Variants in SGCD observed in about 807,000 individuals in gnomAD.
SGCD encodes the protein delta-sarcoglycan.
SGCD carries 18 observed loss-of-function variants against 36.6 expected under a neutral mutation model. That is an observed-to-expected ratio of 0.49 (90% CI 0.34 to 0.73). The LOEUF is 0.73. Ranked by LOEUF, SGCD falls within the 30% of genes least tolerant of loss-of-function variation. The pLI is 0.01. For synonymous variants in SGCD, 133 were observed against 130.6 expected (o/e 1.02, Z -0.12); for missense variants, 387 against 346.7 (o/e 1.12, Z -0.92).
chr5:156,647,507 T>C lies in SGCD; in HGVS notation c.546T>C (p.Asn182=), dbSNP rs1357273041. 7 of 1,585,754 alleles carry C rather than the reference T, an allele frequency of 4.4e-6. No individual in the cohort carries two copies. Among genetic ancestry groups the C allele is most frequent in the South Asian group, 1.1e-5 (1 of 87,010 alleles). ...TVFPKSIETP[N]VRADPFKELR... Reference sequence around the variant, plus strand: ...TCCCTAAATCTATAGAAACACCTAATGTCAGGGCAGACCCCTTCAAAGAAC... The same window carrying C: ...TCCCTAAATCTATAGAAACACCTAACGTCAGGGCAGACCCCTTCAAAGAAC... The change falls in exon 7 of 9, where the codon AAT becomes AAC. Residue 182 remains asparagine (N), a synonymous_variant. Transcript: ENST00000337851.
chr5:156,255,824 T>C (rs1765701301), intron 3 of SGCD, among the ~76,000 whole-genome samples: 4 of 152,122 alleles, frequency 2.6e-5, no homozygotes, highest in Non-Finnish European at 4.4e-5. Flanking sequence ...TTGAACTTTA[T>C]GTAGTATTTT....
chr5:156,011,744 T>A (rs1160109540), intron 1 of SGCD, among the ~76,000 whole-genome samples: 1 of 152,188 alleles, frequency 6.6e-6, no homozygotes, highest in African/African-American at 2.4e-5. Context: ...GGCCCAGAAT[T>A]CTATTTTTAA....
Position 155,912,262 on chromosome 5 carries a change from G to A in SGCD, c.-282+41838G>A, listed in dbSNP as rs1368235281. Among the ~76,000 whole-genome samples the A allele has an allele frequency of 2.6e-5, 4 of 152,064 alleles. No homozygotes were observed. The East Asian group carries it at 7.8e-4, about 29-fold the overall frequency. On this transcript the variant is annotated intron_variant, in intron 1 of 9. Transcript: ENST00000517913. ...AGTGAGTTGTAGAGGAATAAAAAGA[G>A]ACTCAGGAAACCTGAGAAATGGTAG...
At chr5:155,881,154 A>G (rs1755873858) in intron 1 of SGCD, among the ~76,000 whole-genome samples, 1 of 152,102 alleles carries the variant, frequency 6.6e-6, no homozygotes, top group South Asian at 2.1e-4. Context: ...TCAATCTATC[A>G]CAATTTCCAT....
chr5:156,516,874 G>A (rs1757199689), intron 4 of SGCD, among the ~76,000 whole-genome samples: 2 of 152,176 alleles, frequency 1.3e-5, no homozygotes, highest in Non-Finnish European at 2.9e-5. Flanking sequence ...GCACATGTCA[G>A]TAGTCCCAGC....
chr5:156,699,915 A>C (rs1306755194), intron 7 of SGCD, among the ~76,000 whole-genome samples: 2 of 152,222 alleles, frequency 1.3e-5, no homozygotes, highest in East Asian at 3.8e-4. Context: ...ACTCCCTACA[A>C]AAGTGGCATT....
At chr5:155,863,620 A>G in the SGCD span, among the ~76,000 whole-genome samples, 1 of 94,514 alleles carries the variant, frequency 1.1e-5, no homozygotes, top group Non-Finnish European at 3.0e-5. Flanking sequence ...AATTCATACC[A>G]TCATCCAGGA....
intron 3 of SGCD, among the ~76,000 whole-genome samples, chr5:156,255,684 A>AT (rs1320504905): frequency 1.3e-5 from 2 of 151,930 alleles, no homozygotes; most frequent in Admixed American, 6.6e-5. Context: ...TGAAAGTTCT[A>AT]TTTTTTGTGT....
intron 3 of SGCD, among the ~76,000 whole-genome samples, chr5:156,303,953 C>T (rs932807575): frequency 1.3e-5 from 2 of 151,800 alleles, no homozygotes; most frequent in Non-Finnish European, 2.9e-5. Flanking sequence ...ACAAGCACTC[C>T]CTTGGCTGCC....
At chr5:156,335,613 A>G (rs1293628079) in intron 2 of SGCD, among the ~76,000 whole-genome samples, 4 of 152,056 alleles carry the variant, frequency 2.6e-5, no homozygotes, top group African/African-American at 9.7e-5. Context: ...CTTCAACATT[A>G]ACACGCCTGT....
chr5:156,500,949 G>A (rs1020344501), intron 3 of SGCD, among the ~76,000 whole-genome samples: 1 of 152,114 alleles, frequency 6.6e-6, no homozygotes, highest in Non-Finnish European at 1.5e-5. Context: ...TGCACCAGTG[G>A]GAAGGCCTCT....
intron 1 of SGCD, among the ~76,000 whole-genome samples, chr5:155,946,323 C>T (rs1243767013): frequency 6.6e-6 from 1 of 152,060 alleles, no homozygotes; most frequent in Non-Finnish European, 1.5e-5. Flanking sequence ...TATTGAGGTA[C>T]ATAGAAATGA....
At chr5:156,366,833 A>G (rs1266920474) in intron 3 of SGCD, among the ~76,000 whole-genome samples, 1 of 152,248 alleles carries the variant, frequency 6.6e-6, no homozygotes, top group Non-Finnish European at 1.5e-5. Context: ...AAACAAAGTC[A>G]TGCCTATCAA....
the SGCD span, among the ~76,000 whole-genome samples, chr5:155,734,383 AT>A: frequency 6.6e-6 from 1 of 150,896 alleles, no homozygotes. Context: ...TAATTTTTGC[AT>A]TTTTTTTGTA....
intron 1 of SGCD, among the ~76,000 whole-genome samples, chr5:156,070,777 G>A (rs1760525154): frequency 6.6e-6 from 1 of 152,072 alleles, no homozygotes; most frequent in Admixed American, 6.6e-5. Context: ...CTTTTTGGTT[G>A]GTAAGCTATT....
rs150994744 is a variant in SGCD at position 156,342,930 on chromosome 5, G to A, written c.4-1559G>A. Among the ~76,000 whole-genome samples, 57 of 152,234 alleles carry A rather than the reference G, an allele frequency of 3.7e-4. No homozygotes were observed. In the East Asian group the frequency reaches 9.8e-3, roughly 26 times the overall value. Reference sequence around the variant, plus strand: ...CCAACATATACTAGGTACTGATTTCGGCACTAGGGTATGTGTTTGGAATGA... The same window carrying A: ...CCAACATATACTAGGTACTGATTTCAGCACTAGGGTATGTGTTTGGAATGA... On this transcript the variant is annotated intron_variant, in intron 2 of 8. Transcript: ENST00000337851.
chr5:155,881,638 G>A (rs961660793), intron 1 of SGCD, among the ~76,000 whole-genome samples: 2 of 152,180 alleles, frequency 1.3e-5, no homozygotes, highest in East Asian at 3.9e-4. Context: ...TTGCCTCCTT[G>A]ATGGATTCTT....
intron 4 of SGCD, among the ~76,000 whole-genome samples, chr5:156,547,954 G>A (rs1295750728): frequency 2.6e-5 from 4 of 152,144 alleles, no homozygotes; most frequent in African/African-American, 7.2e-5. Flanking sequence ...CATTGATTTG[G>A]TAGCACACAG....
intron 7 of SGCD, among the ~76,000 whole-genome samples, chr5:156,701,915 G>T (rs1467333501): frequency 6.6e-6 from 1 of 152,128 alleles, no homozygotes; most frequent in Non-Finnish European, 1.5e-5. Flanking sequence ...AATTCTTAAT[G>T]CTTTTATGAG....
Sources: allele counts gnomAD v4.1 joint callset (sites outside exome capture counted in the v4.1 genomes callset), GRCh38; gene constraint gnomAD v4.1.1; transcripts MANE v1.5; gene names NCBI Gene and HGNC (gene_info 2026-07-23, HGNC 2026-07-21).